PAPPA: variants seen among roughly 807,000 people sequenced by gnomAD.
The protein encoded by PAPPA is pappalysin 1.
In PAPPA, 60 loss-of-function variants were observed where a neutral mutation model predicts 164.0. The ratio of observed to expected loss-of-function variants is 0.37; its 90% CI spans 0.30 to 0.45. PAPPA has a LOEUF of 0.45. Among genes scored for constraint, PAPPA ranks in the 20% least tolerant of loss-of-function variants. PAPPA has a pLI of 1.00. For missense variants in PAPPA, 1,782 were observed against 2,087.3 expected (o/e 0.85, Z 2.85); for synonymous variants, 875 against 814.1 (o/e 1.07, Z -1.27).
chr9:116,191,205 C>T (rs1453128742), intron 2 of PAPPA, among the ~76,000 whole-genome samples: 2 of 152,144 alleles, frequency 1.3e-5, no homozygotes, highest in African/African-American at 2.4e-5. Context: ...TTACAGGAGG[C>T]AGCTTTGAGC....
chr9:116,376,529 T>C (rs561789206), intron 19 of PAPPA, among the ~76,000 whole-genome samples: 1 of 152,274 alleles, frequency 6.6e-6, no homozygotes, highest in South Asian at 2.1e-4. Flanking sequence ...TTTACTCTCT[T>C]ATGACACAAG....
intron 9 of PAPPA, among the ~76,000 whole-genome samples, chr9:116,295,845 T>C (rs1845499442): frequency 6.6e-6 from 1 of 152,188 alleles, no homozygotes; most frequent in South Asian, 2.1e-4. Flanking sequence ...CAAGAAGTAT[T>C]GATAGGAGGA....
At chr9:116,305,010 C>G (rs1845626285) in intron 10 of PAPPA, among the ~76,000 whole-genome samples, 1 of 151,908 alleles carries the variant, frequency 6.6e-6, no homozygotes, top group African/African-American at 2.4e-5. Context: ...GAACAAAAGT[C>G]TCCTGAATTC....
Position 116,188,045 on chromosome 9 carries a change from A to G in PAPPA, c.1307A>G (p.Asp436Gly), listed in dbSNP as rs1355057593. Residue 436 changes from aspartate to glycine, a missense_variant, in exon 2 of 22, where the codon GAC (aspartate) becomes GGC (glycine). Physicochemically the swap from Asp to Gly is moderately conservative, Grantham distance 94 (BLOSUM62 -1). Transcript: ENST00000328252. ...PECNHTLTGH[D>G]GGDCRHLRHP... is the part of the protein sequence containing the mutation. ...TGCAACCACACGCTGACGGGCCACGACGGCGGGGATTGCCGCCACCTGCGC... is the reference window on the plus strand; with the variant it reads ...TGCAACCACACGCTGACGGGCCACGGCGGCGGGGATTGCCGCCACCTGCGC... 6.2e-7 allele frequency: 1 copy of G among 1,614,194 alleles called. No homozygotes were observed. The highest frequency in any genetic ancestry group is 8.5e-7 in the Non-Finnish European group (1 of 1,180,042).
intron 7 of PAPPA, among the ~76,000 whole-genome samples, chr9:116,258,029 A>C (rs1451673839): frequency 3.9e-5 from 6 of 152,042 alleles, no homozygotes; most frequent in Admixed American, 3.9e-4. Context: ...ATAAAAAATC[A>C]TCACCATTTT....
chr9:116,376,435 A>G (rs889326020), intron 19 of PAPPA, among the ~76,000 whole-genome samples: 11 of 152,154 alleles, frequency 7.2e-5, no homozygotes, highest in Non-Finnish European at 1.6e-4. Flanking sequence ...ATTTTATGTT[A>G]TGAGCTTTAT....
At chr9:116,224,157 C>T (rs1844477027) in intron 5 of PAPPA, among the ~76,000 whole-genome samples, 1 of 152,154 alleles carries the variant, frequency 6.6e-6, no homozygotes, top group Non-Finnish European at 1.5e-5. Flanking sequence ...ACAAGGGTTT[C>T]CCTTAAAAAA....
chr9:116,199,316 G>A (rs1361351733), intron 2 of PAPPA, among the ~76,000 whole-genome samples: 1 of 152,158 alleles, frequency 6.6e-6, no homozygotes, highest in Non-Finnish European at 1.5e-5. Context: ...AGCAATAAAG[G>A]GGGCTTTGAT....
chr9:116,194,771 T>G (rs924188744), intron 2 of PAPPA, among the ~76,000 whole-genome samples: 1 of 152,188 alleles, frequency 6.6e-6, no homozygotes, highest in Non-Finnish European at 1.5e-5. Flanking sequence ...TGTGTGCACA[T>G]GTGGACACCA....
At chr9:116,268,821 T>G (rs1410099891) in intron 8 of PAPPA, among the ~76,000 whole-genome samples, 1 of 127,446 alleles carries the variant, frequency 7.8e-6, no homozygotes, top group South Asian at 2.8e-4. Context: ...TAAATTTAGC[T>G]TATGGATGTT....
intron 10 of PAPPA, among the ~76,000 whole-genome samples, chr9:116,308,212 G>A (rs1389342531): frequency 6.6e-6 from 1 of 152,206 alleles, no homozygotes; most frequent in Non-Finnish European, 1.5e-5. Context: ...TCAGAAGGGT[G>A]TTTTCAACTA....
At chr9:116,248,120 T>C (rs772578205) in intron 7 of PAPPA, among the ~76,000 whole-genome samples, 6 of 152,172 alleles carry the variant, frequency 3.9e-5, no homozygotes, top group Admixed American at 6.5e-5. Context: ...CTCTGACACA[T>C]ACAGACACAC....
chr9:116,159,377 G>T (rs952468419), intron 1 of PAPPA, among the ~76,000 whole-genome samples: 1 of 152,186 alleles, frequency 6.6e-6, no homozygotes, highest in African/African-American at 2.4e-5. Context: ...AAAAAGTGGG[G>T]CCTGTTTGTA....
At chr9:116,179,700 T>TC (rs779451575) in intron 1 of PAPPA, among the ~76,000 whole-genome samples, 9 of 151,976 alleles carry the variant, frequency 5.9e-5, no homozygotes, top group South Asian at 2.1e-4. Flanking sequence ...TTGGTGGGTC[T>TC]CCCCCCCGAC....
Position 116,335,059 on chromosome 9 carries a change from G to C in PAPPA, c.3596G>C (p.Ser1199Thr). The C allele has an allele frequency of 6.2e-7, 1 of 1,612,998 alleles. No individual in the cohort carries two copies. The highest frequency in any genetic ancestry group is 8.5e-7 in the Non-Finnish European group (1 of 1,179,870). The change falls in exon 13 of 22, where the codon AGC (serine) becomes ACC (threonine). Residue 1199 changes from serine to threonine, a missense_variant. Ser to Thr is a moderately conservative substitution (Grantham distance 58). This residue lies in a region of PAPPA where 1,324 missense variants were observed against 1,656.9 expected (regional missense o/e 0.80). Coordinates refer to ENST00000328252, the MANE Select transcript of PAPPA (RefSeq NM_002581.5). ...LSSCQRGETY[S>T]PAEQSCVHFA... Reference sequence around the variant, plus strand: ...AGCTGCCAGAGAGGGGAGACCTACAGCCCTGCCGAGCAGAGGTAAGGGATC... The same window carrying C: ...AGCTGCCAGAGAGGGGAGACCTACACCCCTGCCGAGCAGAGGTAAGGGATC...
At chr9:116,305,456 T>TTCTC (rs549735198) in intron 10 of PAPPA, among the ~76,000 whole-genome samples, 2 of 74,360 alleles carry the variant, frequency 2.7e-5, no homozygotes, top group African/African-American at 7.7e-5. Context: ...ACTCTCCCTC[T>TTCTC]TCTCTCTCTC....
chr9:116,314,298 T>C (rs966861592), intron 10 of PAPPA, among the ~76,000 whole-genome samples: 5 of 151,924 alleles, frequency 3.3e-5, no homozygotes, highest in African/African-American at 1.2e-4. Flanking sequence ...CTCGATCTCC[T>C]GATCTCGTGA....
chr9:116,278,573 AC>A (rs1051868233), intron 9 of PAPPA, among the ~76,000 whole-genome samples: 21 of 152,132 alleles, frequency 1.4e-4, no homozygotes, highest in African/African-American at 4.8e-4. Flanking sequence ...TAAAGCTCAT[AC>A]CCCCAATGGA....
rs142672957 is a variant in PAPPA, at chr9:116,361,491, C to T, written c.4348-1101C>T. On this transcript the variant is annotated intron_variant, in intron 17 of 21. Transcript: ENST00000328252. ...ATTAGAACCACAACAGGCTCTCCAG[C>T]ACACACGATATTTTTCATCATTTGC... Among the ~76,000 whole-genome samples, 359 of 152,332 alleles carry T rather than the reference C, an allele frequency of 2.4e-3. 2 individuals are homozygous for T. The highest frequency in any genetic ancestry group is 8.2e-3 in the African/African-American group (339 of 41,576).
Sources: allele counts gnomAD v4.1 joint callset (sites outside exome capture counted in the v4.1 genomes callset), GRCh38; gene constraint gnomAD v4.1.1; regional missense constraint gnomAD v4.1.1; transcripts MANE v1.5; gene names NCBI Gene and HGNC (gene_info 2026-07-23, HGNC 2026-07-21).